ITGB5: variants seen among roughly 807,000 people sequenced by gnomAD.
ITGB5 encodes the protein integrin subunit beta 5, also known as integrin beta-5.
ITGB5 carries 38 observed loss-of-function variants against 84.8 expected under a neutral mutation model. That is an observed-to-expected ratio of 0.45 (90% CI 0.35 to 0.59). The LOEUF (loss-of-function observed/expected upper bound fraction) is 0.59, where lower values mean the gene tolerates loss of function less well. ITGB5 is among the 20% of genes least tolerant of loss of function. The pLI is 0.01. For missense variants in ITGB5, 905 were observed against 1,034.5 expected (o/e 0.87, Z 1.72); for synonymous variants, 393 against 414.4 (o/e 0.95, Z 0.63).
At chr3:124,806,182 G>A (rs984561483) in intron 9 of ITGB5, among the ~76,000 whole-genome samples, 3 of 152,116 alleles carry the variant, frequency 2.0e-5, no homozygotes, top group Non-Finnish European at 4.4e-5. Flanking sequence ...TTATTTATAA[G>A]GATGTCATTA....
intron 8 of ITGB5, 97 bp from the exon 9 acceptor site, chr3:124,809,253 A>T (rs1057263433): frequency 1.7e-5 from 23 of 1,348,728 alleles, no homozygotes; most frequent in Non-Finnish European, 2.3e-5. Context: ...GCTTCCTCTA[A>T]CTCAGGAATC....
chr3:124,850,889 G>C (rs1040218568), intron 3 of ITGB5, among the ~76,000 whole-genome samples: 4 of 152,116 alleles, frequency 2.6e-5, no homozygotes, highest in Admixed American at 2.6e-4. Flanking sequence ...GGGGGGAGTT[G>C]GGGGAAGGGA....
At chr3:124,793,710 C>T (rs577761973) in intron 10 of ITGB5, among the ~76,000 whole-genome samples, 5 of 152,386 alleles carry the variant, frequency 3.3e-5, no homozygotes, top group African/African-American at 1.2e-4. Flanking sequence ...GGAGCCCAAA[C>T]TTTTTCTACT....
chr3:124,859,585 G>T, intron 2 of ITGB5, 139 bp from the exon 3 acceptor site: 1 of 655,264 alleles, frequency 1.5e-6, no homozygotes. Flanking sequence ...TGGAGGAAAT[G>T]GTAATCCCTA....
intron 10 of ITGB5, among the ~76,000 whole-genome samples, chr3:124,774,209 G>A (rs2063890027): frequency 6.6e-6 from 1 of 152,244 alleles, no homozygotes; most frequent in Non-Finnish European, 1.5e-5. Context: ...TGCTTCAGTT[G>A]TGTGAATAAT....
At chr3:124,791,842 G>A (rs947321268) in intron 10 of ITGB5, 2 of 152,226 alleles carry the variant, frequency 1.3e-5, no homozygotes, top group African/African-American at 4.8e-5. Flanking sequence ...CAATTCTGGA[G>A]TGGGAGCCCC....
At chr3:124,800,793 G>A (rs764748436) in intron 9 of ITGB5, among the ~76,000 whole-genome samples, 1 of 152,242 alleles carries the variant, frequency 6.6e-6, no homozygotes, top group Non-Finnish European at 1.5e-5. Flanking sequence ...GAAGGCAGCT[G>A]GAATGAGGCC....
At chr3:124,827,731 G>A (rs921695162) in intron 5 of ITGB5, among the ~76,000 whole-genome samples, 5 of 152,208 alleles carry the variant, frequency 3.3e-5, no homozygotes, top group African/African-American at 1.2e-4. Context: ...CCCGCAGCAA[G>A]TGAAGAATCA....
intron 5 of ITGB5, among the ~76,000 whole-genome samples, chr3:124,835,796 C>T (rs751886463): frequency 6.6e-6 from 1 of 152,188 alleles, no homozygotes; most frequent in Non-Finnish European, 1.5e-5. Context: ...GAAAGCGAGT[C>T]AATTCTGCAG....
chr3:124,806,527 G>A (rs1445005651), intron 9 of ITGB5, among the ~76,000 whole-genome samples: 7 of 142,042 alleles, frequency 4.9e-5, no homozygotes, highest in African/African-American at 1.1e-4. Context: ...TCCGCCTCCC[G>A]GGTTCATGCC....
chr3:124,876,386 A>G (rs905821742), intron 1 of ITGB5, among the ~76,000 whole-genome samples: 5 of 152,170 alleles, frequency 3.3e-5, no homozygotes, highest in African/African-American at 4.8e-5. Context: ...GTATCTTGCA[A>G]CTGGAACATT....
At chr3:124,799,446 G>C (rs979974665) in intron 9 of ITGB5, among the ~76,000 whole-genome samples, 2 of 152,186 alleles carry the variant, frequency 1.3e-5, no homozygotes, top group Non-Finnish European at 2.9e-5. Context: ...AGTGGTCCCA[G>C]CTACTCAGAA....
intron 4 of ITGB5, among the ~76,000 whole-genome samples, chr3:124,843,106 ACT>A (rs1169852428): frequency 6.6e-6 from 1 of 152,090 alleles, no homozygotes; most frequent in African/African-American, 2.4e-5. Context: ...GACAGGTGGA[ACT>A]CTCTTTTAAC....
At chr3:124,887,553 G>A (rs577559655), upstream of ITGB5, 246 of 270,402 alleles carry the variant, frequency 9.1e-4, 1 homozygote, top group Middle Eastern at 2.5e-3. Context: ...GACCGGCCCG[G>A]GACGCGGAGG....
chr3:124,882,238 T>G (rs571764653), intron 1 of ITGB5, among the ~76,000 whole-genome samples: 15 of 152,302 alleles, frequency 9.8e-5, no homozygotes, highest in Non-Finnish European at 1.6e-4. Flanking sequence ...GGAGCTCACA[T>G]CCTGGCTGGG....
At chr3:124,781,625 G>A (rs2064007212) in intron 10 of ITGB5, among the ~76,000 whole-genome samples, 1 of 152,198 alleles carries the variant, frequency 6.6e-6, no homozygotes. Context: ...AGTTGCTCTT[G>A]AAAAGTTTTG....
intron 1 of ITGB5, among the ~76,000 whole-genome samples, chr3:124,896,051 C>A (rs1935094506): frequency 1.3e-5 from 2 of 152,156 alleles, no homozygotes; most frequent in Non-Finnish European, 1.5e-5. Context: ...ACTAAAAATT[C>A]TTCTACAAAA....
intron 7 of ITGB5, among the ~76,000 whole-genome samples, chr3:124,818,256 C>T (rs1041590853): frequency 3.3e-5 from 5 of 152,116 alleles, no homozygotes; most frequent in Admixed American, 6.5e-5. Flanking sequence ...TTGAAGTACC[C>T]ACCTTTCCTC....
chr3:124,795,078 G>A (rs76136045), intron 10 of ITGB5, among the ~76,000 whole-genome samples: 1 of 152,136 alleles, frequency 6.6e-6, no homozygotes, highest in Non-Finnish European at 1.5e-5. Context: ...GATCAGAAGA[G>A]AGAACAGAGA....
Sources: allele counts gnomAD v4.1 joint callset (sites outside exome capture counted in the v4.1 genomes callset), GRCh38; gene constraint gnomAD v4.1.1; transcripts MANE v1.5; gene names NCBI Gene and HGNC (gene_info 2026-07-23, HGNC 2026-07-21).